The following SYK variants were observed in gnomAD, a reference collection of about 807,000 sequenced individuals.
SYK encodes spleen associated tyrosine kinase.
In SYK, 16 loss-of-function variants were observed where a neutral mutation model predicts 77.8. The observed-to-expected ratio is 0.21, with a 90% CI of 0.14 to 0.31. SYK has a LOEUF of 0.31. Ranked by LOEUF, SYK falls within the 10% of genes least tolerant of loss-of-function variation. The pLI, the probability that SYK is intolerant of heterozygous loss-of-function variation, is 1.00. For missense variants in SYK, 529 were observed against 814.4 expected (o/e 0.65, Z 4.26); for synonymous variants, 312 against 308.7 (o/e 1.01, Z -0.11).
intron 3 of SYK, among the ~76,000 whole-genome samples, chr9:90,857,171 G>A (rs762051207): frequency 2.0e-5 from 3 of 152,252 alleles, no homozygotes; most frequent in Non-Finnish European, 4.4e-5. Context: ...GAATGAGACT[G>A]TGTTAGGCTG....
rs189425165 is a variant in SYK at position 90,897,000 on chromosome 9, T to C, written c.*1400T>C. On this transcript the variant is annotated 3_prime_UTR_variant, in exon 14 of 14. Transcript: ENST00000375754. ...CAAGATCATGCCACTGCACTCCAGC[T>C]TGGGCATCACAGCGAGACTCTGTCA... The C allele has an allele frequency of 4.3e-4, 88 of 205,684 alleles. 2 individuals are homozygous for C. The Admixed American group carries it at 4.5e-3, about 10-fold the overall frequency. 12.7% of individuals were successfully genotyped at this position (205,684 alleles called of 1,614,324 possible).
intron 3 of SYK, among the ~76,000 whole-genome samples, chr9:90,846,193 G>A (rs74545094): frequency 0.017 from 2,534 of 152,278 alleles, 69 homozygotes; most frequent in African/African-American, 0.057. Flanking sequence ...ACAGGCCAAC[G>A]TGGTCAGTCA....
intron 1 of SYK, among the ~76,000 whole-genome samples, chr9:90,835,152 G>A (rs1826023627): frequency 6.6e-6 from 1 of 152,246 alleles, no homozygotes; most frequent in Non-Finnish European, 1.5e-5. Context: ...CCGAGCTAAT[G>A]TGATGAATGG....
chr9:90,833,100 A>G (rs879317883), intron 1 of SYK, among the ~76,000 whole-genome samples: 40 of 152,350 alleles, frequency 2.6e-4, no homozygotes, highest in African/African-American at 8.9e-4. Context: ...TGAGCAATCC[A>G]AAAGCTGAGG....
At chr9:90,802,447 A>C (rs1159346084) in intron 1 of SYK, among the ~76,000 whole-genome samples, 1 of 152,208 alleles carries the variant, frequency 6.6e-6, no homozygotes, top group African/African-American at 2.4e-5. Flanking sequence ...CACTACTAAA[A>C]TTTAGCATAA....
At chr9:90,851,287 C>T (rs1195317402) in intron 3 of SYK, among the ~76,000 whole-genome samples, 2 of 152,194 alleles carry the variant, frequency 1.3e-5, no homozygotes, top group African/African-American at 4.8e-5. Context: ...CACACAGAGG[C>T]GTCCATCAGC....
rs148784658 is a variant in SYK at position 90,859,894 on chromosome 9, T to G, written c.579-2312T>G. Among the ~76,000 whole-genome samples, 354 of 152,342 alleles carry G rather than the reference T, an allele frequency of 2.3e-3. 2 individuals carry two copies. The highest frequency in any genetic ancestry group is 4.0e-3 in the Non-Finnish European group (271 of 68,034). The stretch of plus-strand genomic sequence containing the variant: ...AACCTGTGCTTGTCTGTCTCAGTTT[T>G]TAACAAGAAAATGTCAATCAAGACA... On this transcript the variant is annotated intron_variant, in intron 3 of 13. Coordinates refer to ENST00000375754, the MANE Select transcript of SYK (RefSeq NM_003177.7).
chr9:90,871,789 TGTGG>T lies in SYK; in HGVS notation c.916-2413_916-2410del, dbSNP rs1426397049. ...AGGGATCTGGGTAGGAGAGAGTTGA[TGTGG>T]GGTTGTTGAGAGACATGAGGGTTCT... On this transcript the variant is annotated intron_variant, in intron 7 of 13. Coordinates refer to ENST00000375754, the MANE Select transcript of SYK (RefSeq NM_003177.7). 4.6e-5 allele frequency among the ~76,000 whole-genome samples: 7 copies of T among 152,200 alleles called. No homozygotes were observed. In the East Asian group the frequency reaches 1.2e-3, roughly 25 times the overall value.
chr9:90,825,590 G>A (rs1825643239), intron 1 of SYK, among the ~76,000 whole-genome samples: 1 of 152,204 alleles, frequency 6.6e-6, no homozygotes, highest in Non-Finnish European at 1.5e-5. Flanking sequence ...CAAAAGGAAA[G>A]CATGTTAGTT....
intron 7 of SYK, among the ~76,000 whole-genome samples, chr9:90,869,007 A>G (rs1587890296): frequency 6.6e-6 from 1 of 152,218 alleles, no homozygotes; most frequent in African/African-American, 2.4e-5. Flanking sequence ...GTAAAAGTCA[A>G]TGTCCTGCAA....
chr9:90,837,424 C>G (rs1348564379), intron 1 of SYK, among the ~76,000 whole-genome samples: 1 of 152,022 alleles, frequency 6.6e-6, no homozygotes, highest in Admixed American at 6.6e-5. Context: ...GCCGAAGCAG[C>G]ACCTGAGACT....
At chr9:90,818,493 C>T (rs930354704) in intron 1 of SYK, among the ~76,000 whole-genome samples, 1 of 152,158 alleles carries the variant, frequency 6.6e-6, no homozygotes, top group Non-Finnish European at 1.5e-5. Context: ...TGGGGGCTGT[C>T]GCAGCAGCTG....
At chr9:90,872,402 G>A (rs914919188) in intron 7 of SYK, among the ~76,000 whole-genome samples, 3 of 152,134 alleles carry the variant, frequency 2.0e-5, no homozygotes, top group Non-Finnish European at 4.4e-5. Context: ...GAAAATCAAA[G>A]GAGTTGAAAT....
chr9:90,864,532 T>C (rs977622466), intron 4 of SYK, 57 bp from the exon 5 acceptor site: 2 of 1,463,638 alleles, frequency 1.4e-6, no homozygotes, highest in African/African-American at 2.8e-5. Context: ...TCTCAGTCAC[T>C]ATTTGTCTAT....
Position 90,843,904 on chromosome 9 carries a change from C to A in SYK, c.6C>A (p.Ala2=). The change falls in exon 2 of 14, where the codon GCC becomes GCA. Residue 2 remains alanine (A), a synonymous_variant. Transcript: ENST00000375754. ...TGCCCTCCGGCCCCTGAAGCATGGC[C>A]AGCAGCGGCATGGCTGACAGCGCCA... M[A]SSGMADSANH... is the part of the protein sequence containing the mutation. 6.5e-7 allele frequency: 1 copy of A among 1,532,644 alleles called. No homozygotes were observed. 94.9% of individuals were successfully genotyped at this position (1,532,644 alleles called of 1,614,324 possible). A position where few individuals can be genotyped will look rare whatever the true frequency, so the allele number is the denominator to read the frequency against.
At chr9:90,838,014 G>T (rs577331238) in intron 1 of SYK, among the ~76,000 whole-genome samples, 4 of 152,188 alleles carry the variant, frequency 2.6e-5, no homozygotes, top group South Asian at 4.1e-4. Context: ...CAACTGTGGT[G>T]CTCAATGTCA....
At chr9:90,846,699 TAA>T (rs3056977) in intron 3 of SYK, among the ~76,000 whole-genome samples, 18 of 129,022 alleles carry the variant, frequency 1.4e-4, no homozygotes, top group Admixed American at 1.6e-4. Context: ...ACAATACTCT[TAA>T]AAAAAAAAAA....
chr9:90,838,985 G>A lies in SYK; in HGVS notation c.-41-4873G>A, dbSNP rs1401103258. ...ATGCCACAGCCGTGGCCAAGACTAC[G>A]CTGGGTGAAAAGTGAGACTCTCTGG... On this transcript the variant is annotated intron_variant, in intron 1 of 13. Coordinates refer to ENST00000375754, the MANE Select transcript of SYK (RefSeq NM_003177.7). Among the ~76,000 whole-genome samples the A allele has an allele frequency of 5.3e-5, 8 of 152,304 alleles. 1 individual carries two copies. The highest frequency in any genetic ancestry group is 4.1e-4 in the South Asian group (2 of 4,828).
intron 1 of SYK, among the ~76,000 whole-genome samples, chr9:90,818,900 C>T (rs1333630): frequency 0.53 from 80,373 of 152,010 alleles, 21,403 homozygotes; most frequent in South Asian, 0.59. Context: ...TGCAGGTTGG[C>T]GACTGCAAAT....
Sources: allele counts gnomAD v4.1 joint callset (sites outside exome capture counted in the v4.1 genomes callset), GRCh38; gene constraint gnomAD v4.1.1; transcripts MANE v1.5; gene names NCBI Gene and HGNC (gene_info 2026-07-23, HGNC 2026-07-21).